LGR6: variants seen among roughly 807,000 people sequenced by gnomAD.
The protein encoded by LGR6 is leucine rich repeat containing G protein-coupled receptor 6.
A neutral mutation model predicts 69.4 loss-of-function variants in LGR6; 45 were observed. The ratio of observed to expected loss-of-function variants is 0.65; its 90% confidence interval spans 0.51 to 0.83. The LOEUF is 0.83. Among genes scored for constraint, LGR6 ranks in the 40% least tolerant of loss-of-function variants. The pLI is 0.00. For synonymous variants in LGR6, 538 were observed against 555.0 expected, an observed-to-expected ratio of 0.97 and a Z score of 0.43; for missense variants, 1,108 against 1,246.7, an observed-to-expected ratio of 0.89 and a Z score of 1.68.
chr1:202,203,641 TAAGAC>T, intron 1 of LGR6: 1 of 622,844 alleles, frequency 1.6e-6, no homozygotes, highest in Non-Finnish European at 2.9e-6. Context: ...GAGAGAGAGA[TAAGAC>T]AAGCGCAAAT....
intron 4 of LGR6, among the ~76,000 whole-genome samples, chr1:202,265,118 C>G (rs1018970014): frequency 9.2e-5 from 14 of 152,182 alleles, no homozygotes; most frequent in African/African-American, 3.1e-4. Context: ...GCTCCCACCT[C>G]CCCTCTCTCC....
intron 1 of LGR6, among the ~76,000 whole-genome samples, chr1:202,196,324 A>C (rs557558341): frequency 4.3e-4 from 65 of 152,208 alleles, no homozygotes; most frequent in Non-Finnish European, 7.9e-4. Context: ...GAACAGCTCT[A>C]CCAGAAAGGC....
chr1:202,247,974 G>C (rs1295591635), intron 4 of LGR6, among the ~76,000 whole-genome samples: 2 of 152,190 alleles, frequency 1.3e-5, no homozygotes, highest in Non-Finnish European at 2.9e-5. Flanking sequence ...AGAGAAGAAG[G>C]GTCGGGGGCT....
At chr1:202,194,870 T>C (rs1658580457) in intron 1 of LGR6, among the ~76,000 whole-genome samples, 1 of 152,148 alleles carries the variant, frequency 6.6e-6, no homozygotes, top group South Asian at 2.1e-4. Context: ...CACTAATTTG[T>C]GGGCAGGCGC....
At chr1:202,272,744 G>A (rs967403231) in intron 4 of LGR6, among the ~76,000 whole-genome samples, 9 of 152,330 alleles carry the variant, frequency 5.9e-5, no homozygotes, top group East Asian at 1.9e-4. Context: ...ATGTGTGAGC[G>A]TGCACATGCA....
chr1:202,256,510 T>G (rs1279671581), intron 4 of LGR6, among the ~76,000 whole-genome samples: 3 of 152,264 alleles, frequency 2.0e-5, no homozygotes, highest in Non-Finnish European at 2.9e-5. Flanking sequence ...CCCAAAGTAC[T>G]AGGATTACAG....
At chr1:202,283,942 T>C (rs914165454) in intron 6 of LGR6, among the ~76,000 whole-genome samples, 3 of 152,250 alleles carry the variant, frequency 2.0e-5, no homozygotes, top group African/African-American at 7.2e-5. Context: ...ACTTCACCTC[T>C]GTGAGCCTCA....
chr1:202,271,309 C>G (rs571276348), intron 4 of LGR6, among the ~76,000 whole-genome samples: 1 of 152,194 alleles, frequency 6.6e-6, no homozygotes, highest in South Asian at 2.1e-4. Flanking sequence ...GAGCCTAGGA[C>G]CCCCCTACCC....
chr1:202,238,766 CCA>C (rs1367392388), intron 4 of LGR6, among the ~76,000 whole-genome samples: 4 of 150,892 alleles, frequency 2.7e-5, no homozygotes, highest in African/African-American at 4.9e-5. Context: ...GGTGGCAGAA[CCA>C]GAGTTGAGCC....
At chr1:202,291,199 G>A (rs1223341424) in intron 6 of LGR6, among the ~76,000 whole-genome samples, 2 of 152,202 alleles carry the variant, frequency 1.3e-5, no homozygotes, top group Non-Finnish European at 2.9e-5. Flanking sequence ...GCTGGAGTTG[G>A]AAGTGGTTTC....
At chr1:202,293,167 A>G (rs920658581) in intron 6 of LGR6, among the ~76,000 whole-genome samples, 1 of 152,222 alleles carries the variant, frequency 6.6e-6, no homozygotes, top group African/African-American at 2.4e-5. Context: ...GACAGCAGAT[A>G]AGAAGTGTAT....
At chr1:202,285,364 T>C (rs1666319052) in intron 6 of LGR6, among the ~76,000 whole-genome samples, 2 of 152,176 alleles carry the variant, frequency 1.3e-5, no homozygotes, top group Non-Finnish European at 2.9e-5. Context: ...CTCCCAGGGC[T>C]CAGGGTTCTT....
At position 202,319,042 on chromosome 1, in the gene LGR6, G is replaced by T. The variant is rs1654422160; in HGVS notation, c.2739G>T (p.Glu913Asp). 5 of 1,614,076 alleles carry T rather than the reference G, an allele frequency of 3.1e-6. No homozygotes were observed. The highest frequency in any genetic ancestry group is 1.3e-5 in the African/African-American group (1 of 74,942). Residue 913 changes from glutamate to aspartate, a missense_variant, in exon 18 of 18, where the codon GAG (glutamate) becomes GAT (aspartate). By Grantham distance (45) the Glu-to-Asp change is conservative. Transcript: ENST00000367278. ...SCQQPGAPRL[E>D]GSHCVEPEGN... Reference sequence around the variant, plus strand: ...AGCAGCCAGGGGCCCCCAGGCTGGAGGGCAGCCATTGTGTAGAGCCAGAGG... The same window carrying T: ...AGCAGCCAGGGGCCCCCAGGCTGGATGGCAGCCATTGTGTAGAGCCAGAGG...
chr1:202,293,952 A>G (rs1349806080), intron 6 of LGR6, among the ~76,000 whole-genome samples: 2 of 152,226 alleles, frequency 1.3e-5, no homozygotes, highest in African/African-American at 2.4e-5. Flanking sequence ...TTGCCTGGAC[A>G]TGGGTCCAAT....
intron 14 of LGR6, among the ~76,000 whole-genome samples, chr1:202,308,489 C>G (rs968727827): frequency 6.6e-6 from 1 of 152,160 alleles, no homozygotes; most frequent in African/African-American, 2.4e-5. Flanking sequence ...TCTAATGCGC[C>G]TCCAGTAGAA....
chr1:202,310,653 C>T (rs1410312566), intron 16 of LGR6, among the ~76,000 whole-genome samples: 1 of 152,194 alleles, frequency 6.6e-6, no homozygotes, highest in Non-Finnish European at 1.5e-5. Flanking sequence ...CACCATCTCA[C>T]TTAACCCTCC....
Position 202,300,789 on chromosome 1 carries a change from T to A in LGR6, c.786-60T>A, listed in dbSNP as rs1401412493. ...TGTCCAAAAGCCCTGTGGAATTCCA[T>A]GCCTCTCCCTCTCTATACCTTTCTC... is the stretch of plus-strand genomic sequence containing the variant. On this transcript the variant is annotated intron_variant, in intron 7 of 17. Coordinates refer to ENST00000367278, the MANE Select transcript of LGR6 (RefSeq NM_001017403.2). 4.8e-6 allele frequency: 6 copies of A among 1,253,892 alleles called. No homozygotes were observed. The Admixed American group carries it at 1.2e-4, about 25-fold the overall frequency. 77.7% of individuals were successfully genotyped at this position (1,253,892 alleles called of 1,614,324 possible).
chr1:202,250,122 T>G (rs1663104275), intron 4 of LGR6, among the ~76,000 whole-genome samples: 1 of 152,178 alleles, frequency 6.6e-6, no homozygotes, highest in Admixed American at 6.5e-5. Context: ...GCTTTGCTGT[T>G]CCCTCTGCCT....
intron 1 of LGR6, among the ~76,000 whole-genome samples, chr1:202,195,642 G>A (rs905105737): frequency 6.6e-6 from 1 of 152,204 alleles, no homozygotes; most frequent in African/African-American, 2.4e-5. Flanking sequence ...CTACACACAG[G>A]CCAGCCCCTC....
Sources: allele counts gnomAD v4.1 joint callset (sites outside exome capture counted in the v4.1 genomes callset), GRCh38; gene constraint gnomAD v4.1.1; transcripts MANE v1.5; gene names NCBI Gene and HGNC (gene_info 2026-07-23, HGNC 2026-07-21).